ADISSP: variants seen among roughly 807,000 people sequenced by gnomAD.
ADISSP encodes adipose-secreted signaling protein.
chr20:3,755,195 AG>A, the ADISSP span, among the ~76,000 whole-genome samples: 1 of 152,196 alleles, frequency 6.6e-6, no homozygotes, highest in Non-Finnish European at 1.5e-5. Flanking sequence ...GCTTCAAACC[AG>A]TTCCTCAGCA....
At chr20:3,756,585 G>T in the ADISSP span, among the ~76,000 whole-genome samples, 1 of 152,070 alleles carries the variant, frequency 6.6e-6, no homozygotes, top group Admixed American at 6.5e-5. Context: ...CCATTCAATG[G>T]GACCAGGTTG....
At chr20:3,766,684 C>A in the ADISSP span, among the ~76,000 whole-genome samples, 9 of 152,278 alleles carry the variant, frequency 5.9e-5, no homozygotes, top group East Asian at 1.5e-3. Context: ...AGGGTGGGAG[C>A]ACACAGGATT....
chr20:3,762,897 TCAC>T, the ADISSP span, among the ~76,000 whole-genome samples: 10,105 of 152,182 alleles, frequency 0.066, 729 homozygotes, highest in African/African-American at 0.18. Context: ...CCTGTTTTTT[TCAC>T]CACATCAGCT....
the ADISSP span, among the ~76,000 whole-genome samples, chr20:3,757,184 A>C: frequency 6.6e-6 from 1 of 152,100 alleles, no homozygotes; most frequent in African/African-American, 2.4e-5. Flanking sequence ...CCCCGTCTCT[A>C]CTAAAAATAT....
the ADISSP span, among the ~76,000 whole-genome samples, chr20:3,754,876 AG>A: frequency 6.6e-6 from 1 of 152,174 alleles, no homozygotes; most frequent in South Asian, 2.1e-4. Context: ...GGGGCAGGGC[AG>A]GGTAGGCTTT....
At chr20:3,753,891 C>T in the ADISSP span, 1 of 618,120 alleles carries the variant, frequency 1.6e-6, no homozygotes, top group Non-Finnish European at 2.9e-6. Flanking sequence ...GAGGGAGGGG[C>T]AGGGTGGCAG....
the ADISSP span, among the ~76,000 whole-genome samples, chr20:3,764,847 C>T: frequency 6.6e-6 from 1 of 152,250 alleles, no homozygotes; most frequent in Non-Finnish European, 1.5e-5. Context: ...CAGAACTCCC[C>T]ACCCCACTCT....
chr20:3,758,782 T>C, the ADISSP span: 1 of 1,094,696 alleles, frequency 9.1e-7, no homozygotes, highest in Non-Finnish European at 1.3e-6. The surrounding 1 kb of genome is among the most constrained non-coding windows in gnomAD (Gnocchi z 5.5). Flanking sequence ...ATCATCCAGC[T>C]CCCACTGGCT....
At chr20:3,754,173 G>A in the ADISSP span, 19 of 1,597,934 alleles carry the variant, frequency 1.2e-5, no homozygotes, top group African/African-American at 2.7e-5. Context: ...AAGGCAGGGT[G>A]CAAGTCAGTG....
chr20:3,766,250 C>T, the ADISSP span, among the ~76,000 whole-genome samples: 3 of 152,230 alleles, frequency 2.0e-5, no homozygotes, highest in Non-Finnish European at 2.9e-5. Context: ...CACACTGACC[C>T]GCTGACTCTC....
At chr20:3,755,598 G>A in the ADISSP span, 1 of 1,597,986 alleles carries the variant, frequency 6.3e-7, no homozygotes. Flanking sequence ...AGGATCTTCA[G>A]GAAGCCAACC....
the ADISSP span, among the ~76,000 whole-genome samples, chr20:3,758,217 G>C: frequency 6.6e-6 from 1 of 152,218 alleles, no homozygotes; most frequent in African/African-American, 2.4e-5. The surrounding 1 kb of genome is among the most constrained non-coding windows in gnomAD (Gnocchi z 5.5). Context: ...ACCTTCCCAA[G>C]GTCACAGAGC....
chr20:3,754,287 C>G, the ADISSP span: 7 of 1,499,684 alleles, frequency 4.7e-6, no homozygotes, highest in East Asian at 1.6e-4. Context: ...GTTGAGAACC[C>G]CTGAGCCGGG....
the ADISSP span, chr20:3,758,822 G>A: frequency 1.3e-6 from 1 of 745,596 alleles, no homozygotes; most frequent in Non-Finnish European, 2.1e-6. This position sits in a 1 kb window ranked among gnomAD's most constrained non-coding sequence, Gnocchi z 5.5. Context: ...ATGGACACTA[G>A]GATCATGAGG....
At chr20:3,766,572 A>C in the ADISSP span, among the ~76,000 whole-genome samples, 1 of 152,152 alleles carries the variant, frequency 6.6e-6, no homozygotes, top group Non-Finnish European at 1.5e-5. Flanking sequence ...GTGGGTGCTT[A>C]GCCTCCAGAT....
chr20:3,758,794 G>T, the ADISSP span: 1 of 1,021,632 alleles, frequency 9.8e-7, no homozygotes, highest in Non-Finnish European at 1.4e-6. This position sits in a 1 kb window ranked among gnomAD's most constrained non-coding sequence, Gnocchi z 5.5. Flanking sequence ...CCACTGGCTG[G>T]GCTCTTTTCA....
chr20:3,755,758 GA>G, the ADISSP span: 2 of 576,158 alleles, frequency 3.5e-6, no homozygotes, highest in Non-Finnish European at 3.0e-6. Flanking sequence ...CCAGCTGATC[GA>G]CCCCCAGCCC....
chr20:3,756,714 G>T, the ADISSP span, among the ~76,000 whole-genome samples: 2 of 152,164 alleles, frequency 1.3e-5, no homozygotes, highest in Non-Finnish European at 2.9e-5. Flanking sequence ...TGACCCAGGG[G>T]TACTACTTAT....
chr20:3,762,300 T>G, the ADISSP span, among the ~76,000 whole-genome samples: 18 of 150,870 alleles, frequency 1.2e-4, no homozygotes, highest in Non-Finnish European at 2.4e-4. Flanking sequence ...AGAAGAAAAA[T>G]AAAACGAGGG....
Sources: gnomAD v4.1 joint callset for allele counts (sites outside exome capture counted in the v4.1 genomes callset) on GRCh38, gnomAD v4.1.1 for gene constraint, Gnocchi (gnomAD v3.1) non-coding constraint, MANE v1.5 for transcripts, NCBI Gene and HGNC (gene_info 2026-07-23, HGNC 2026-07-21) for gene names.